Variants in DPEP1 observed in about 807,000 individuals in gnomAD.
DPEP1 encodes dipeptidase 1.
DPEP1 carries 50 observed loss-of-function variants against 42.3 expected under a neutral mutation model. That is an observed-to-expected ratio of 1.18 (90% CI 0.94 to 1.50). The LOEUF is 1.50. Among genes scored for constraint, DPEP1 ranks in the 40% most tolerant of loss-of-function variants. DPEP1 has a pLI of 0.00. For synonymous variants in DPEP1, 297 were observed against 234.0 expected (o/e 1.27, Z -2.46); for missense variants, 663 against 553.0 (o/e 1.20, Z -1.99).
At chr16:89,615,718 C>A (rs1345171239) in intron 1 of DPEP1, among the ~76,000 whole-genome samples, 1 of 152,210 alleles carries the variant, frequency 6.6e-6, no homozygotes, top group African/African-American at 2.4e-5. Flanking sequence ...AGCCGGGAAC[C>A]GGCCCCACGG....
chr16:89,624,625 C>A (rs1224961561), intron 1 of DPEP1, among the ~76,000 whole-genome samples: 1 of 151,900 alleles, frequency 6.6e-6, no homozygotes. Context: ...ACCTCTGCCT[C>A]CCAGGTTCAA....
intron 1 of DPEP1, among the ~76,000 whole-genome samples, chr16:89,615,740 G>A (rs923529957): frequency 6.6e-6 from 1 of 152,230 alleles, no homozygotes; most frequent in East Asian, 1.9e-4. Context: ...GGCACGTTGG[G>A]ATTTGGCCAC....
intron 2 of DPEP1, among the ~76,000 whole-genome samples, chr16:89,634,230 A>AG (rs1268354155): frequency 1.3e-5 from 2 of 151,444 alleles, no homozygotes; most frequent in Non-Finnish European, 2.9e-5. Context: ...CTGGGACTAC[A>AG]GGCACCCGCC....
At position 89,637,617 on chromosome 16, in the gene DPEP1, C is replaced by T. The variant is rs757047696; in HGVS notation, c.854-15C>T. ...GGGCCTCACTCGGGACCCATACCTGCTGCTCCCTGGACAGACCATCTGGAT... is the reference window on the plus strand; with the variant it reads ...GGGCCTCACTCGGGACCCATACCTGTTGCTCCCTGGACAGACCATCTGGAT... On this transcript the variant is annotated splice_polypyrimidine_tract_variant and intron_variant, in intron 8 of 10. Transcript: ENST00000690203. The T allele has an allele frequency of 6.2e-7, 1 of 1,612,902 alleles. No individual in the cohort carries two copies. Among genetic ancestry groups the T allele is most frequent in the South Asian group, 1.1e-5 (1 of 91,088 alleles).
chr16:89,641,290 C>CG (rs2059741169), downstream of DPEP1, among the ~76,000 whole-genome samples: 1 of 152,094 alleles, frequency 6.6e-6, no homozygotes, highest in Admixed American at 6.5e-5. Context: ...AACGCGCCCC[C>CG]GGGGAAAGGG....
At position 89,638,156 on chromosome 16, in the gene DPEP1, C is replaced by T. The variant is rs769889902; in HGVS notation, c.1170C>T (p.Leu390=). The T allele has an allele frequency of 6.2e-6, 10 of 1,609,942 alleles. No individual in the cohort carries two copies. The South Asian group carries it at 9.9e-5, about 16-fold the overall frequency. The change falls in exon 11 of 11, where the codon CTC becomes CTT. Residue 390 remains leucine, a synonymous_variant. Transcript: ENST00000690203. ...HYGYSSGASS[L]HRHWGLLLAS... ...GCTACTCCTCTGGGGCTTCCAGCCTCCATCGCCACTGGGGGCTCCTGCTGG... is the reference window on the plus strand; with the variant it reads ...GCTACTCCTCTGGGGCTTCCAGCCTTCATCGCCACTGGGGGCTCCTGCTGG...
At chr16:89,626,745 C>T (rs570598677) in intron 1 of DPEP1, among the ~76,000 whole-genome samples, 7 of 152,232 alleles carry the variant, frequency 4.6e-5, no homozygotes, top group Non-Finnish European at 7.4e-5. Flanking sequence ...CCTTTGCCTT[C>T]GGCCATGATT....
In DPEP1 at chr16:89,636,336, G is replaced by T. The variant is rs73265359; in HGVS notation, c.310G>T (p.Val104Leu). The T allele has an allele frequency of 6.2e-7, 1 of 1,612,448 alleles. No individual in the cohort carries two copies. Among genetic ancestry groups the T allele is most frequent in the Admixed American group, 1.7e-5 (1 of 59,966 alleles). The stretch of plus-strand genomic sequence containing the variant: ...GCGGAGGACGCTGGAGCAGATGGAC[G>T]TGGTCCACCGCATGTGCCGGATGTA... Reference protein sequence around the residue: ...AVRRTLEQMDVVHRMCRMYPE... With the variant: ...AVRRTLEQMDLVHRMCRMYPE... The change falls in exon 4 of 11, where the codon GTG (valine) becomes TTG (leucine). Residue 104 changes from valine (V) to leucine (L), a missense_variant. Val to Leu is a conservative substitution (Grantham distance 32, BLOSUM62 1). Coordinates refer to ENST00000690203, the MANE Select transcript of DPEP1 (RefSeq NM_001389466.1).
intron 1 of DPEP1, among the ~76,000 whole-genome samples, chr16:89,617,386 C>T (rs568090849): frequency 1.3e-3 from 201 of 152,262 alleles, no homozygotes; most frequent in African/African-American, 4.8e-3. Flanking sequence ...CAGCACGGTG[C>T]CTGCATGGAA....
At chr16:89,628,602 A>C (rs1222260781) in intron 1 of DPEP1, among the ~76,000 whole-genome samples, 1 of 152,026 alleles carries the variant, frequency 6.6e-6, no homozygotes, top group African/African-American at 2.4e-5. Context: ...GGACAAATAC[A>C]GTGGCCTCAA....
downstream of DPEP1, chr16:89,640,690 G>C (rs2059736858): frequency 1.0e-6 from 1 of 962,454 alleles, no homozygotes; most frequent in African/African-American, 1.8e-5. Context: ...AGACTCGGGG[G>C]GTCCCTGGTG....
At chr16:89,640,710 G>A (rs2059737073), downstream of DPEP1, 2 of 865,940 alleles carry the variant, frequency 2.3e-6, no homozygotes, top group South Asian at 5.3e-5. Flanking sequence ...GGGCTGCAAG[G>A]GTATTAGGCC....
chr16:89,636,312 C>G lies in DPEP1; in HGVS notation c.286C>G (p.Arg96Gly), dbSNP rs370798757. The G allele has an allele frequency of 6.2e-7, 1 of 1,612,114 alleles. No homozygotes were observed. Among genetic ancestry groups the G allele is most frequent in the Admixed American group, 1.7e-5 (1 of 59,928 alleles). The stretch of plus-strand genomic sequence containing the variant: ...CGACACCCAGAACAAAGACGCCGTG[C>G]GGAGGACGCTGGAGCAGATGGACGT... ...PCDTQNKDAV[R>G]RTLEQMDVVH... is the part of the protein sequence containing the mutation. The change falls in exon 4 of 11, where the codon CGG becomes GGG. Residue 96 changes from arginine (R) to glycine (G), a missense_variant. Arg to Gly is a moderately radical substitution (Grantham distance 125, BLOSUM62 -2). Coordinates refer to ENST00000690203, the MANE Select transcript of DPEP1 (RefSeq NM_001389466.1).
chr16:89,638,984 A>C (rs1465056133), downstream of DPEP1, among the ~76,000 whole-genome samples: 1 of 35,536 alleles, frequency 2.8e-5, no homozygotes. Flanking sequence ...GCACACACAC[A>C]CCCCACCCCT....
chr16:89,614,322 C>G (rs1211538967), intron 1 of DPEP1, among the ~76,000 whole-genome samples: 1 of 152,186 alleles, frequency 6.6e-6, no homozygotes, highest in Non-Finnish European at 1.5e-5. Context: ...GGACTCAGCT[C>G]ACGTACCCCT....
At chr16:89,637,574 A>C (rs1333602902) in intron 8 of DPEP1, 22 bp downstream of exon 8, 1 of 1,612,786 alleles carries the variant, frequency 6.2e-7, no homozygotes, top group South Asian at 1.1e-5. Flanking sequence ...GTGAGCGGCC[A>C]AGGGGGCCGA....
downstream of DPEP1, chr16:89,638,582 A>G (rs1157618011): frequency 8.4e-6 from 7 of 831,946 alleles, no homozygotes; most frequent in South Asian, 2.1e-4. Flanking sequence ...AGGGCTTTGT[A>G]GAGACACTGC....
rs1054723607 is a variant in DPEP1 at position 89,616,772 on chromosome 16, CCAGGAAGCAGGCAGGAAGTGGG to C, written c.-107+3068_-107+3089del. The C allele has an allele frequency of 1.1e-4, 30 of 265,518 alleles. No homozygotes were observed. The East Asian group carries it at 1.8e-3, about 16-fold the overall frequency. 16.4% of individuals were successfully genotyped at this position (265,518 alleles called of 1,614,324 possible). A position where few individuals can be genotyped will look rare whatever the true frequency, so the allele number is the denominator to read the frequency against. ...CAGGCAGAGAGCGACCAGGAAGCGG[CCAGGAAGCAGGCAGGAAGTGGG>C]CAGGAAGCAGGCAGAAAGCGGCCAG... On this transcript the variant is annotated intron_variant, in intron 1 of 10. Coordinates refer to ENST00000690203, the MANE Select transcript of DPEP1 (RefSeq NM_001389466.1).
intron 2 of DPEP1, among the ~76,000 whole-genome samples, chr16:89,631,089 A>G (rs2059581890): frequency 6.6e-6 from 1 of 151,940 alleles, no homozygotes; most frequent in Non-Finnish European, 1.5e-5. Context: ...GCTTCTCCCA[A>G]AAGCAGCAGG....
Sources: allele counts gnomAD v4.1 joint callset (sites outside exome capture counted in the v4.1 genomes callset), GRCh38; gene constraint gnomAD v4.1.1; transcripts MANE v1.5; gene names NCBI Gene and HGNC (gene_info 2026-07-23, HGNC 2026-07-21).